The following TAF4 variants were observed in gnomAD, a reference collection of about 807,000 sequenced individuals.
The protein encoded by TAF4 is transcription initiation factor TFIID subunit 4.
In TAF4, 9 loss-of-function variants were observed where a neutral mutation model predicts 90.3. That is an observed-to-expected ratio of 0.10 (90% confidence interval 0.06 to 0.17). TAF4 has a LOEUF of 0.17. Ranked by LOEUF, TAF4 falls within the 10% of genes least tolerant of loss-of-function variation. The probability of loss-of-function intolerance (pLI) is 1.00; values close to 1 mark genes in which losing one functional copy is unlikely to be tolerated. For missense variants in TAF4, 1,351 were observed against 1,370.7 expected (o/e 0.99, Z 0.23); for synonymous variants, 818 against 638.9 (o/e 1.28, Z -4.23).
chr20:62,003,315 A>G, intron 8 of TAF4, 41 bp from the exon 9 acceptor site: 1 of 1,509,416 alleles, frequency 6.6e-7, no homozygotes, highest in Non-Finnish European at 9.2e-7. Flanking sequence ...CAAGGCTTTT[A>G]TTAGATCAAC....
chr20:61,996,488 A>G (rs1395044579), intron 14 of TAF4, among the ~76,000 whole-genome samples: 2 of 152,212 alleles, frequency 1.3e-5, no homozygotes, highest in Non-Finnish European at 2.9e-5. Flanking sequence ...TTTTGTAACC[A>G]GTAAAAATAT....
rs189494158 is a variant in TAF4, at chr20:61,978,531, A to G, written c.3091-2196T>C. ...ACCAAGGGAGGGCGCGAGACCAACC[A>G]AGGCCGGGGGCGAGACCAACCAAAG... On this transcript the variant is annotated intron_variant, in intron 14 of 14. Transcript: ENST00000252996. 3.6e-3 allele frequency among the ~76,000 whole-genome samples: 543 copies of G among 151,086 alleles called. 10 individuals are homozygous for G. Among genetic ancestry groups the G allele is most frequent in the African/African-American group, 0.013 (518 of 40,830 alleles).
At chr20:62,003,047 C>G (rs756906320) in intron 9 of TAF4, 113 bp downstream of exon 9, 2 of 794,012 alleles carry the variant, frequency 2.5e-6, no homozygotes, top group Non-Finnish European at 4.0e-6. Flanking sequence ...CTTGGAGCCC[C>G]GGCCGCCAGG....
At chr20:62,027,251 C>T (rs563827859) in intron 1 of TAF4, among the ~76,000 whole-genome samples, 4 of 152,236 alleles carry the variant, frequency 2.6e-5, no homozygotes, top group African/African-American at 7.2e-5. Context: ...CCCTGAGAGC[C>T]GAGCAGCGTC....
rs748745292 is a variant in TAF4, at chr20:62,010,203, C to T, written c.1642-38G>A. 9.3e-6 allele frequency: 15 copies of T among 1,612,602 alleles called. 1 individual carries two copies. In the South Asian group the frequency reaches 1.2e-4, roughly 13 times the overall value. ...AAAAACACAAGGTAAGGGCATCTCACGCCACCAGCTGACGAGGGGGAGACC... is the reference window on the plus strand; with the variant it reads ...AAAAACACAAGGTAAGGGCATCTCATGCCACCAGCTGACGAGGGGGAGACC... On this transcript the variant is annotated intron_variant, in intron 3 of 14. Transcript: ENST00000252996. The surrounding 1 kb of genome is among the most constrained non-coding windows in gnomAD (Gnocchi z 4.5).
At chr20:62,062,958 T>TA (rs2056097831) in intron 1 of TAF4, among the ~76,000 whole-genome samples, 1 of 152,220 alleles carries the variant, frequency 6.6e-6, no homozygotes, top group South Asian at 2.1e-4. Context: ...GTTTACATAA[T>TA]AGATCACAGC....
intron 1 of TAF4, among the ~76,000 whole-genome samples, chr20:62,040,489 G>A (rs1568939791): frequency 6.6e-6 from 1 of 152,260 alleles, no homozygotes; most frequent in Non-Finnish European, 1.5e-5. Context: ...ACCCCCAGGG[G>A]CACGAGGCTA....
At chr20:61,996,573 G>A (rs1232312654) in intron 14 of TAF4, among the ~76,000 whole-genome samples, 2 of 151,946 alleles carry the variant, frequency 1.3e-5, no homozygotes, top group Non-Finnish European at 2.9e-5. Context: ...GGCCGAGGTG[G>A]GCAGATCATG....
rs558845832 is a variant in TAF4, at chr20:61,989,032, T to C, written c.3090+8518A>G. Among the ~76,000 whole-genome samples, 18 of 152,212 alleles carry C rather than the reference T, an allele frequency of 1.2e-4. No individual in the cohort carries two copies. In the South Asian group the frequency reaches 3.7e-3, roughly 32 times the overall value. On this transcript the variant is annotated intron_variant, in intron 14 of 14. Transcript: ENST00000252996. ...AGAAAAAAACAAATACACTGAATGA[T>C]GGGAACCAGGTTCCTCACTGTCTGA...
intron 1 of TAF4, among the ~76,000 whole-genome samples, chr20:62,028,400 A>G (rs1399020403): frequency 1.3e-5 from 2 of 152,198 alleles, no homozygotes; most frequent in African/African-American, 4.8e-5. Flanking sequence ...GTCCACTTAC[A>G]TGCAGATTTT....
chr20:62,022,868 C>A (rs867298058), intron 1 of TAF4, among the ~76,000 whole-genome samples: 5 of 152,136 alleles, frequency 3.3e-5, no homozygotes, highest in Non-Finnish European at 4.4e-5. Flanking sequence ...GCAGCCCCCC[C>A]CCCGCACATT....
intron 1 of TAF4, among the ~76,000 whole-genome samples, chr20:62,052,575 C>T (rs2056035442): frequency 6.6e-6 from 1 of 151,868 alleles, no homozygotes; most frequent in African/African-American, 2.4e-5. Context: ...CTAGAATGTC[C>T]CCGCCCAGGT....
intron 14 of TAF4, among the ~76,000 whole-genome samples, chr20:61,992,362 C>G (rs1188279176): frequency 1.3e-5 from 2 of 152,160 alleles, no homozygotes; most frequent in Non-Finnish European, 2.9e-5. Flanking sequence ...TATTCTCAGG[C>G]TATGTCCAAA....
chr20:61,976,208 G>C lies in TAF4; in HGVS notation c.3218C>G (p.Thr1073Arg). 6.2e-7 allele frequency: 1 copy of C among 1,614,064 alleles called. No homozygotes were observed. Among genetic ancestry groups the C allele is most frequent in the Non-Finnish European group, 8.5e-7 (1 of 1,180,036 alleles). The stretch of plus-strand genomic sequence containing the variant: ...TTTGTAGAGCAGCAGTGAATGGCTT[G>C]TCTCACGTTCATTTTCTAAACAAAA... ...LIFCLENERE[T>R]SHSLLLYKAF... The change falls in exon 15 of 15, where the codon ACA becomes AGA. Residue 1073 changes from threonine to arginine, a missense_variant. Physicochemically the swap from Thr to Arg is moderately conservative, Grantham distance 71. Transcript: ENST00000252996.
At chr20:62,031,937 A>G (rs1428393664) in intron 1 of TAF4, among the ~76,000 whole-genome samples, 1 of 151,966 alleles carries the variant, frequency 6.6e-6, no homozygotes, top group Non-Finnish European at 1.5e-5. Flanking sequence ...ACACTTCCAA[A>G]CAAAAGTTCC....
chr20:62,015,793 C>T (rs760189029), intron 1 of TAF4, among the ~76,000 whole-genome samples: 1 of 152,198 alleles, frequency 6.6e-6, no homozygotes, highest in Non-Finnish European at 1.5e-5. Flanking sequence ...TGCGCTATGA[C>T]GCTGGGGCAC....
At chr20:62,011,754 C>G (rs1239013301) in intron 3 of TAF4, among the ~76,000 whole-genome samples, 2 of 152,228 alleles carry the variant, frequency 1.3e-5, no homozygotes, top group African/African-American at 2.4e-5. Flanking sequence ...GGCACTGAGG[C>G]AAGGACTCTG....
At position 62,065,560 on chromosome 20, in the gene TAF4, CCGGGCGCGCCCTCGG is replaced by C. The variant is rs1283361528; in HGVS notation, c.236_250del (p.Ala79_Pro83del). On this transcript the variant is annotated inframe_deletion, in exon 1 of 15. Coordinates refer to ENST00000252996, the MANE Select transcript of TAF4 (RefSeq NM_003185.4). ...TGCGGGGGGCGGCTCCGGCGCCGCT[CCGGGCGCGCCCTCGG>C]CGGGGGCGGCCGGCCCTGCGCCCGC... 1 of 976,232 alleles carries C rather than the reference CCGGGCGCGCCCTCGG, an allele frequency of 1.0e-6. No homozygotes were observed. Among genetic ancestry groups the C allele is most frequent in the Non-Finnish European group, 1.2e-6 (1 of 826,518 alleles). 60.5% of individuals were successfully genotyped at this position (976,232 alleles called of 1,614,324 possible).
intron 14 of TAF4, among the ~76,000 whole-genome samples, chr20:61,992,331 C>T (rs1030187922): frequency 3.3e-5 from 5 of 152,136 alleles, no homozygotes; most frequent in East Asian, 3.9e-4. Context: ...TCACCACCCT[C>T]GGCAGGAGTG....
Sources: gnomAD v4.1 joint callset for allele counts (sites outside exome capture counted in the v4.1 genomes callset) on GRCh38, gnomAD v4.1.1 for gene constraint, Gnocchi (gnomAD v3.1) non-coding constraint, MANE v1.5 for transcripts, NCBI Gene and HGNC (gene_info 2026-07-23, HGNC 2026-07-21) for gene names.